MYLK: variants seen among roughly 807,000 people sequenced by gnomAD.
MYLK encodes myosin light chain kinase, smooth muscle.
In MYLK, 106 loss-of-function variants were observed where a neutral mutation model predicts 203.4. The ratio of observed to expected loss-of-function variants is 0.52; its 90% CI spans 0.45 to 0.61. The LOEUF (loss-of-function observed/expected upper bound fraction) is 0.61, where lower values mean the gene tolerates loss of function less well. Ranked by LOEUF, MYLK falls within the 20% of genes least tolerant of loss-of-function variation. The pLI is 0.00. For missense variants in MYLK, 2,072 were observed against 2,442.3 expected (o/e 0.85, Z 3.20); for synonymous variants, 867 against 959.5 (o/e 0.90, Z 1.78).
At chr3:123,834,362 T>G (rs1368914832) in intron 2 of MYLK, among the ~76,000 whole-genome samples, 1 of 152,168 alleles carries the variant, frequency 6.6e-6, no homozygotes, top group African/African-American at 2.4e-5. Context: ...TTTGGTAACT[T>G]TTTAATATCA....
intron 3 of MYLK, among the ~76,000 whole-genome samples, chr3:123,828,211 C>A (rs2066200305): frequency 6.6e-6 from 1 of 152,044 alleles, no homozygotes; most frequent in Non-Finnish European, 1.5e-5. Context: ...AAATATACTA[C>A]AAAGCTGTAG....
chr3:123,802,548 A>G (rs896812931), intron 3 of MYLK, among the ~76,000 whole-genome samples: 17 of 152,338 alleles, frequency 1.1e-4, no homozygotes, highest in African/African-American at 3.8e-4. Flanking sequence ...CTTTGGCAGA[A>G]AGTTATTTTT....
At chr3:123,662,396 G>C (rs1344379986) in intron 23 of MYLK, among the ~76,000 whole-genome samples, 5 of 152,084 alleles carry the variant, frequency 3.3e-5, no homozygotes, top group Non-Finnish European at 7.4e-5. Flanking sequence ...ATGAAGATAG[G>C]GGAGAAAAAC....
chr3:123,678,850 G>T (rs1037631665), intron 20 of MYLK, among the ~76,000 whole-genome samples: 10 of 152,128 alleles, frequency 6.6e-5, no homozygotes, highest in Non-Finnish European at 1.5e-5. Context: ...GTATTTTTGG[G>T]GCGTGAGTAG....
At position 123,664,265 on chromosome 3, in the gene MYLK, G is replaced by T; in HGVS notation, c.3832-7C>A. 3 of 1,614,206 alleles carry T rather than the reference G, an allele frequency of 1.9e-6. No individual in the cohort carries two copies. The highest frequency in any genetic ancestry group is 2.7e-5 in the African/African-American group (2 of 75,056). On this transcript the variant is annotated splice_region_variant and splice_polypyrimidine_tract_variant and intron_variant, in intron 22 of 33. Transcript: ENST00000360304. ...TGTGCTCGCTTTCCTGGATCTAGGG[G>T]CGGAGGATGGAGCAGGTGCTGGAGC...
intron 29 of MYLK, among the ~76,000 whole-genome samples, chr3:123,634,889 CATGGGTATT>C (rs1210414799): frequency 6.6e-6 from 1 of 152,226 alleles, no homozygotes; most frequent in Non-Finnish European, 1.5e-5. Context: ...CCAGAAACCA[CATGGGTATT>C]GCTAACTTCA....
In MYLK at chr3:123,821,291, G is replaced by C. The variant is rs182059047; in HGVS notation, c.-4+10257C>G. Among the ~76,000 whole-genome samples, 96 of 152,264 alleles carry C rather than the reference G, an allele frequency of 6.3e-4. 2 individuals carry two copies. In the South Asian group the frequency reaches 0.012, roughly 18 times the overall value. Reference sequence around the variant, plus strand: ...CTTATAATATATTTTAAGCAGGGCAGGGTATCCCAAGATCTCAACATCTGG... The same window carrying C: ...CTTATAATATATTTTAAGCAGGGCACGGTATCCCAAGATCTCAACATCTGG... On this transcript the variant is annotated intron_variant, in intron 3 of 33. Coordinates refer to ENST00000360304, the MANE Select transcript of MYLK (RefSeq NM_053025.4).
intron 11 of MYLK, among the ~76,000 whole-genome samples, chr3:123,728,715 T>C (rs2062380076): frequency 6.6e-6 from 1 of 152,146 alleles, no homozygotes; most frequent in South Asian, 2.1e-4. Flanking sequence ...ACAGTACCTA[T>C]GGTACTTGTG....
intron 27 of MYLK, among the ~76,000 whole-genome samples, chr3:123,643,861 G>A (rs2058921680): frequency 6.6e-6 from 1 of 152,190 alleles, no homozygotes; most frequent in Non-Finnish European, 1.5e-5. Flanking sequence ...GATAAATTTT[G>A]CTAATAGTAG....
At chr3:123,632,805 A>ATTTT (rs35310974) in intron 29 of MYLK, among the ~76,000 whole-genome samples, 2,584 of 136,992 alleles carry the variant, frequency 0.019, 103 homozygotes, top group African/African-American at 0.064. Context: ...ATGTCTTTTA[A>ATTTT]TTTTTTTTTT....
At chr3:123,828,959 A>G (rs2066230761) in intron 3 of MYLK, among the ~76,000 whole-genome samples, 1 of 152,218 alleles carries the variant, frequency 6.6e-6, no homozygotes, top group African/African-American at 2.4e-5. Context: ...AATGCTGGCA[A>G]GGATGAGGAG....
At chr3:123,663,159 C>T (rs910865948) in intron 23 of MYLK, among the ~76,000 whole-genome samples, 3 of 152,158 alleles carry the variant, frequency 2.0e-5, no homozygotes, top group African/African-American at 7.2e-5. Flanking sequence ...TGGAGCAGAA[C>T]ATGACAACAG....
chr3:123,785,925 A>G (rs1016519532), intron 4 of MYLK, among the ~76,000 whole-genome samples: 7 of 152,260 alleles, frequency 4.6e-5, no homozygotes, highest in Admixed American at 4.6e-4. Context: ...TGGACAATGC[A>G]ATTCTGTATC....
chr3:123,856,190 T>C (rs1235812409), intron 2 of MYLK, among the ~76,000 whole-genome samples: 3 of 152,186 alleles, frequency 2.0e-5, no homozygotes, highest in Admixed American at 2.0e-4. Flanking sequence ...GACACTTCAG[T>C]AGTTTTTCTT....
intron 4 of MYLK, among the ~76,000 whole-genome samples, chr3:123,770,955 T>C (rs1431314211): frequency 6.6e-6 from 1 of 152,226 alleles, no homozygotes; most frequent in Non-Finnish European, 1.5e-5. Context: ...TGGAGAACCA[T>C]CTGGCTGGGA....
intron 27 of MYLK, 68 bp downstream of exon 27, chr3:123,647,156 A>G: frequency 2.1e-6 from 3 of 1,427,534 alleles, no homozygotes; most frequent in Non-Finnish European, 2.0e-6. Context: ...TGGCTGGGGT[A>G]GGGCAGTAGG....
intron 5 of MYLK, among the ~76,000 whole-genome samples, chr3:123,742,401 T>C (rs1391556782): frequency 6.6e-6 from 1 of 152,218 alleles, no homozygotes; most frequent in Admixed American, 6.5e-5. Context: ...AAAGGTATCA[T>C]GTTATTAATA....
intron 19 of MYLK, among the ~76,000 whole-genome samples, chr3:123,689,962 C>G (rs971331623): frequency 1.3e-5 from 2 of 152,104 alleles, no homozygotes. Flanking sequence ...GTGGGTAATG[C>G]TATTTTAGCC....
intron 27 of MYLK, among the ~76,000 whole-genome samples, chr3:123,645,698 A>C (rs1304910115): frequency 1.3e-5 from 2 of 152,212 alleles, no homozygotes; most frequent in Non-Finnish European, 2.9e-5. Context: ...CTTGTTTGTA[A>C]AAGCAAAAGG....
Sources: gnomAD v4.1 joint callset for allele counts (sites outside exome capture counted in the v4.1 genomes callset) on GRCh38, gnomAD v4.1.1 for gene constraint, MANE v1.5 for transcripts, NCBI Gene and HGNC (gene_info 2026-07-23, HGNC 2026-07-21) for gene names.